CHST11: variants seen among roughly 807,000 people sequenced by gnomAD.
CHST11 encodes the protein C4S-1.
In CHST11, 9 loss-of-function variants were observed where a neutral mutation model predicts 30.4. The ratio of observed to expected loss-of-function variants is 0.30; its 90% CI spans 0.18 to 0.52. CHST11 has a LOEUF of 0.52. Ranked by LOEUF, CHST11 falls within the 20% of genes least tolerant of loss-of-function variation. CHST11 has a pLI of 0.97. For synonymous variants in CHST11, 152 were observed against 187.8 expected (o/e 0.81, Z 1.56); for missense variants, 348 against 460.6 (o/e 0.76, Z 2.24).
chr12:104,561,254 G>A (rs1450632788), intron 1 of CHST11, among the ~76,000 whole-genome samples: 5 of 152,198 alleles, frequency 3.3e-5, no homozygotes, highest in Non-Finnish European at 7.3e-5. Context: ...GCGACGCCAT[G>A]GCATCAGAAG....
At chr12:104,743,937 T>TCG in intron 2 of CHST11, among the ~76,000 whole-genome samples, 1 of 76,266 alleles carries the variant, frequency 1.3e-5, no homozygotes, top group African/African-American at 7.4e-5. Flanking sequence ...GAGGACATGA[T>TCG]CTCTCTTTTT....
At chr12:104,633,326 A>G (rs906940906) in intron 2 of CHST11, among the ~76,000 whole-genome samples, 1 of 151,850 alleles carries the variant, frequency 6.6e-6, no homozygotes, top group Non-Finnish European at 1.5e-5. Context: ...ATGAATATAT[A>G]TGATCAAATG....
At chr12:104,586,012 T>C (rs772487637) in intron 1 of CHST11, among the ~76,000 whole-genome samples, 2 of 152,208 alleles carry the variant, frequency 1.3e-5, no homozygotes, top group Non-Finnish European at 1.5e-5. Context: ...CTGCAAAGAC[T>C]CTATTTCCGG....
chr12:104,531,654 C>G (rs1416921297), intron 1 of CHST11, among the ~76,000 whole-genome samples: 1 of 152,132 alleles, frequency 6.6e-6, no homozygotes, highest in Non-Finnish European at 1.5e-5. Flanking sequence ...TTCATTTCTT[C>G]CCTTGTGTTA....
At chr12:104,587,661 G>A (rs1054797191) in intron 1 of CHST11, among the ~76,000 whole-genome samples, 1 of 152,168 alleles carries the variant, frequency 6.6e-6, no homozygotes, top group Non-Finnish European at 1.5e-5. Context: ...GCCTTCCAAA[G>A]TGCTGGGATT....
At chr12:104,747,264 T>A (rs2040395384) in intron 2 of CHST11, among the ~76,000 whole-genome samples, 1 of 152,190 alleles carries the variant, frequency 6.6e-6, no homozygotes, top group Non-Finnish European at 1.5e-5. Context: ...ATGCAGGGTC[T>A]CAGACCACAG....
chr12:104,549,898 C>G (rs746216407), intron 1 of CHST11, among the ~76,000 whole-genome samples: 1 of 152,086 alleles, frequency 6.6e-6, no homozygotes, highest in African/African-American at 2.4e-5. Context: ...CAGAGTGAGA[C>G]CTCATCTCCA....
chr12:104,470,479 G>GT (rs752213551), intron 1 of CHST11, among the ~76,000 whole-genome samples: 6 of 152,062 alleles, frequency 3.9e-5, no homozygotes, highest in African/African-American at 1.2e-4. Context: ...ACTCCACTTG[G>GT]TCCTGCCCTT....
At chr12:104,587,224 T>C (rs538594300) in intron 1 of CHST11, among the ~76,000 whole-genome samples, 4 of 152,232 alleles carry the variant, frequency 2.6e-5, no homozygotes, top group Non-Finnish European at 5.9e-5. Context: ...CGAATCTTAC[T>C]CTTCTATTCA....
At chr12:104,486,157 T>C (rs1593962923) in intron 1 of CHST11, among the ~76,000 whole-genome samples, 1 of 152,214 alleles carries the variant, frequency 6.6e-6, no homozygotes, top group East Asian at 1.9e-4. Flanking sequence ...TGCATGCTGC[T>C]AGTCATTCTT....
chr12:104,704,227 C>G (rs148501200), intron 2 of CHST11, among the ~76,000 whole-genome samples: 1,542 of 152,362 alleles, frequency 0.01, 7 homozygotes, highest in Non-Finnish European at 0.016. Context: ...CCTACCTCCC[C>G]CCACTGTCTG....
chr12:104,475,673 T>TATATATAG (rs2037551794), intron 1 of CHST11, among the ~76,000 whole-genome samples: 1 of 82,306 alleles, frequency 1.2e-5, no homozygotes, highest in East Asian at 3.1e-4. Context: ...TATATATATA[T>TATATATAG]ATATATATAT....
At position 104,757,059 on chromosome 12, in the gene CHST11, C is replaced by T. The variant is rs141459164; in HGVS notation, c.315C>T (p.Asn105=). ...GTAAGCGGAGGGTGCTGACCCCCAA[C>T]GACCTGAAGCACTTGGTGGTGGATG... ...TSRKRRVLTP[N]DLKHLVVDED... The change falls in exon 3 of 3, where the codon AAC becomes AAT. Residue 105 remains asparagine (N), a synonymous_variant. Transcript: ENST00000303694. This position sits in a 1 kb window ranked among gnomAD's most constrained non-coding sequence, Gnocchi z 6.5. 4.3e-6 allele frequency: 7 copies of T among 1,614,020 alleles called. No individual in the cohort carries two copies. Among genetic ancestry groups the T allele is most frequent in the African/African-American group, 4.0e-5 (3 of 74,914 alleles).
chr12:104,720,671 A>C (rs1273265959), intron 2 of CHST11, among the ~76,000 whole-genome samples: 3 of 152,200 alleles, frequency 2.0e-5, no homozygotes, highest in Non-Finnish European at 4.4e-5. Context: ...TTTGAGGCAG[A>C]GGAACACCAC....
intron 2 of CHST11, among the ~76,000 whole-genome samples, chr12:104,672,321 G>A (rs568774522): frequency 3.6e-4 from 55 of 152,276 alleles, no homozygotes; most frequent in Non-Finnish European, 6.8e-4. Context: ...GACTCCATTA[G>A]GGGCCCGGCT....
Position 104,475,661 on chromosome 12 carries a change from TA to T in CHST11, c.118+18133del, listed in dbSNP as rs1565954789. On this transcript the variant is annotated intron_variant, in intron 1 of 2. Coordinates refer to ENST00000303694, the MANE Select transcript of CHST11 (RefSeq NM_018413.6). ...GATGCCTCAGAGTAAAGCAGCATTATATATATATATATATATATATATATAT... is the reference window on the plus strand; with the variant it reads ...GATGCCTCAGAGTAAAGCAGCATTATTATATATATATATATATATATATAT... Among the ~76,000 whole-genome samples, 28 of 96,078 alleles carry T rather than the reference TA, an allele frequency of 2.9e-4. 1 individual carries two copies. Among genetic ancestry groups the T allele is most frequent in the African/African-American group, 8.6e-4 (25 of 29,058 alleles). 63.0% of individuals were successfully genotyped at this position (96,078 alleles called of 152,430 possible). A position where few individuals can be genotyped will look rare whatever the true frequency, so the allele number is the denominator to read the frequency against.
Position 104,457,453 on chromosome 12 carries a change from C to T in CHST11, c.42C>T (p.Ile14=). ...TGGAAGTGATGAGGATGAACAGAAT[C>T]TGCCGGATGGTGCTGGCCACTTGCT... The part of the protein sequence containing the change: ...ALLEVMRMNR[I]CRMVLATCLG... Residue 14 remains isoleucine (I), a synonymous_variant, in exon 1 of 3, where the codon ATC becomes ATT. Transcript: ENST00000303694. 1.2e-6 allele frequency: 2 copies of T among 1,614,176 alleles called. No individual in the cohort carries two copies. Among genetic ancestry groups the T allele is most frequent in the Non-Finnish European group, 1.7e-6 (2 of 1,179,964 alleles).
chr12:104,732,421 A>G (rs2040265249), intron 2 of CHST11, among the ~76,000 whole-genome samples: 1 of 152,200 alleles, frequency 6.6e-6, no homozygotes, highest in Non-Finnish European at 1.5e-5. Flanking sequence ...GACCCCAGGG[A>G]CATTTATAGA....
intron 2 of CHST11, among the ~76,000 whole-genome samples, chr12:104,615,605 G>C (rs980708809): frequency 6.6e-6 from 1 of 152,190 alleles, no homozygotes; most frequent in African/African-American, 2.4e-5. Flanking sequence ...TACCAGCTCT[G>C]TGCCTCACTT....
Sources: gnomAD v4.1 joint callset for allele counts (sites outside exome capture counted in the v4.1 genomes callset) on GRCh38, gnomAD v4.1.1 for gene constraint, Gnocchi (gnomAD v3.1) non-coding constraint, MANE v1.5 for transcripts, NCBI Gene and HGNC (gene_info 2026-07-23, HGNC 2026-07-21) for gene names.